Variants in DNM3 observed in about 807,000 individuals in gnomAD.
DNM3 encodes dynamin-3.
DNM3 carries 47 observed loss-of-function variants against 101.6 expected under a neutral mutation model. That is an observed-to-expected ratio of 0.46 (90% CI 0.37 to 0.59). The LOEUF (loss-of-function observed/expected upper bound fraction) is 0.59, where lower values mean the gene tolerates loss of function less well. Among genes scored for constraint, DNM3 ranks in the 20% least tolerant of loss-of-function variants. DNM3 has a pLI of 0.00. For synonymous variants in DNM3, 385 were observed against 387.9 expected, an observed-to-expected ratio of 0.99 and a Z score of 0.09; for missense variants, 849 against 1,085.7, an observed-to-expected ratio of 0.78 and a Z score of 3.06.
intron 4 of DNM3, among the ~76,000 whole-genome samples, chr1:171,994,412 C>G (rs2045853295): frequency 6.6e-6 from 1 of 152,114 alleles, no homozygotes. Context: ...ATACTAGAGT[C>G]AGTAAATCGC....
chr1:171,959,130 G>T (rs1168993529), intron 2 of DNM3, among the ~76,000 whole-genome samples: 3 of 152,106 alleles, frequency 2.0e-5, no homozygotes, highest in African/African-American at 7.2e-5. Context: ...AAAAATCATG[G>T]TTAATTCTCA....
intron 16 of DNM3, among the ~76,000 whole-genome samples, chr1:172,316,501 G>A (rs371434322): frequency 8.6e-4 from 131 of 152,078 alleles, no homozygotes; most frequent in African/African-American, 2.1e-3. Flanking sequence ...CCCATCTCAC[G>A]TGCAGAGACA....
At chr1:171,875,977 A>G (rs930148439) in intron 1 of DNM3, among the ~76,000 whole-genome samples, 1 of 151,590 alleles carries the variant, frequency 6.6e-6, no homozygotes, top group African/African-American at 2.4e-5. Context: ...TGCCCAGCTA[A>G]TTTTTGTATT....
At chr1:171,952,423 C>T (rs1007814345) in intron 2 of DNM3, among the ~76,000 whole-genome samples, 7 of 152,048 alleles carry the variant, frequency 4.6e-5, no homozygotes, top group Admixed American at 6.5e-5. Flanking sequence ...TTTGTTTTTT[C>T]GGTCTTAATG....
intron 15 of DNM3, among the ~76,000 whole-genome samples, chr1:172,279,207 A>G (rs2063397464): frequency 1.3e-5 from 2 of 152,198 alleles, no homozygotes; most frequent in African/African-American, 4.8e-5. Context: ...AGATTCTTAT[A>G]GTAAAAGCAT....
chr1:172,026,686 G>T (rs905533676), intron 4 of DNM3, among the ~76,000 whole-genome samples: 1 of 150,960 alleles, frequency 6.6e-6, no homozygotes, highest in Non-Finnish European at 1.5e-5. Flanking sequence ...ACAGAATCTT[G>T]GTTTGTTACC....
chr1:172,030,235 G>C (rs969762820), intron 4 of DNM3, among the ~76,000 whole-genome samples: 1 of 152,000 alleles, frequency 6.6e-6, no homozygotes, highest in Non-Finnish European at 1.5e-5. Context: ...CAGAACAGAG[G>C]CCTCAGAAAT....
intron 2 of DNM3, among the ~76,000 whole-genome samples, chr1:171,928,058 T>C (rs6673646): frequency 0.44 from 67,341 of 152,056 alleles, 16,038 homozygotes; most frequent in Non-Finnish European, 0.54. Context: ...TGTGCAGGGT[T>C]GTTCTTTGAA....
chr1:171,875,897 G>A (rs549589381), intron 1 of DNM3, among the ~76,000 whole-genome samples: 5 of 134,852 alleles, frequency 3.7e-5, no homozygotes, highest in Admixed American at 8.4e-5. Flanking sequence ...TGCAGCCTCC[G>A]CCTCCTGGGT....
chr1:172,337,866 T>TTTTTATTTTATTTTTATTTTA (rs1286026360), intron 17 of DNM3, among the ~76,000 whole-genome samples: 1 of 113,130 alleles, frequency 8.8e-6, no homozygotes, highest in African/African-American at 3.3e-5. Context: ...TTTTATTTTA[T>TTTTTATTTTATTTTTATTTTA]TTTTATTTTA....
At chr1:172,012,621 C>A (rs1572081605) in intron 4 of DNM3, among the ~76,000 whole-genome samples, 2 of 151,930 alleles carry the variant, frequency 1.3e-5, no homozygotes, top group East Asian at 1.9e-4. Flanking sequence ...TCTTCTCTTG[C>A]CTCTTTCCCT....
At chr1:172,110,091 G>C (rs1368341097) in intron 13 of DNM3, among the ~76,000 whole-genome samples, 1 of 152,164 alleles carries the variant, frequency 6.6e-6, no homozygotes, top group Admixed American at 6.5e-5. Flanking sequence ...ATAAGATAAA[G>C]TTCTAACATT....
intron 12 of DNM3, among the ~76,000 whole-genome samples, chr1:172,087,306 C>T (rs777835875): frequency 6.6e-6 from 1 of 152,106 alleles, no homozygotes; most frequent in Non-Finnish European, 1.5e-5. Flanking sequence ...CAATTTTCCA[C>T]CCTAGACCCC....
At chr1:172,414,441 T>C (rs2071354550), downstream of DNM3, among the ~76,000 whole-genome samples, 2 of 152,212 alleles carry the variant, frequency 1.3e-5, no homozygotes, top group Admixed American at 1.3e-4. Context: ...ATTGAAAGAC[T>C]TCACAGAAAC....
At chr1:172,008,277 A>G (rs954216923) in intron 4 of DNM3, among the ~76,000 whole-genome samples, 1 of 151,948 alleles carries the variant, frequency 6.6e-6, no homozygotes, top group African/African-American at 2.4e-5. Context: ...ATCTTTATCT[A>G]GATCAATGTC....
intron 13 of DNM3, among the ~76,000 whole-genome samples, chr1:172,120,291 A>G (rs2056226347): frequency 1.3e-5 from 2 of 152,050 alleles, no homozygotes; most frequent in South Asian, 4.2e-4. Context: ...AAACCATCAG[A>G]TCTCATGAGA....
At chr1:172,317,757 A>G (rs1331788613) in intron 16 of DNM3, among the ~76,000 whole-genome samples, 3 of 152,234 alleles carry the variant, frequency 2.0e-5, no homozygotes, top group African/African-American at 4.8e-5. Flanking sequence ...ATAGCTTACC[A>G]ACCAAAAAGA....
intron 10 of DNM3, among the ~76,000 whole-genome samples, chr1:172,062,956 G>T (rs545157154): frequency 1.1e-4 from 16 of 152,270 alleles, no homozygotes; most frequent in Non-Finnish European, 2.2e-4. Flanking sequence ...TAGGGATTTT[G>T]TTGGGTTGGG....
At chr1:172,308,061 T>C (rs1451865175) in intron 15 of DNM3, among the ~76,000 whole-genome samples, 1 of 152,038 alleles carries the variant, frequency 6.6e-6, no homozygotes, top group African/African-American at 2.4e-5. Context: ...AAGAAGGTTA[T>C]CTCTAGGCTG....
Sources: allele counts gnomAD v4.1 joint callset (sites outside exome capture counted in the v4.1 genomes callset), GRCh38; gene constraint gnomAD v4.1.1; transcripts MANE v1.5; gene names NCBI Gene and HGNC (gene_info 2026-07-23, HGNC 2026-07-21).